SLC12A3: variants seen among roughly 807,000 people sequenced by gnomAD.
SLC12A3 encodes the protein solute carrier family 12 member 3, also known as Na-Cl cotransporter.
Under a neutral mutation model 121.0 loss-of-function variants are expected in SLC12A3, and 104 were observed. That is an observed-to-expected ratio of 0.86 (90% CI 0.73 to 1.01). SLC12A3 has a LOEUF of 1.01. Among genes scored for constraint, SLC12A3 ranks in the 50% least tolerant of loss-of-function variants. The pLI, the probability that SLC12A3 is intolerant of heterozygous loss-of-function variation, is 0.00. For synonymous variants in SLC12A3, 536 were observed against 533.4 expected, an observed-to-expected ratio of 1.00 and a Z score of -0.07; for missense variants, 1,328 against 1,356.3, an observed-to-expected ratio of 0.98 and a Z score of 0.33.
At position 56,890,322 on chromosome 16, in the gene SLC12A3, G is replaced by A; in HGVS notation, c.2334G>A (p.Glu778=). ...NYGVCVMRMR[E]GLNVSKMMQA... ...GCGTGTGTGTCATGAGGATGCGGGA[G>A]GGACTCAACGTGTCCAAGATGATGC... Residue 778 remains glutamate (E), a synonymous_variant, in exon 19 of 26, where the codon GAG becomes GAA. Coordinates refer to ENST00000563236, the MANE Select transcript of SLC12A3 (RefSeq NM_001126108.2). 1 of 1,614,186 alleles carries A rather than the reference G, an allele frequency of 6.2e-7. No individual in the cohort carries two copies. The highest frequency in any genetic ancestry group is 8.5e-7 in the Non-Finnish European group (1 of 1,180,016).
intron 18 of SLC12A3, 104 bp from the exon 19 acceptor site, chr16:56,890,170 G>T (rs2055369135): frequency 1.2e-6 from 1 of 840,008 alleles, no homozygotes. Context: ...GAAAGGGCGT[G>T]GTAGGAAGCA....
chr16:56,902,327 T>C (rs1351236703), intron 23 of SLC12A3, 46 bp from the exon 24 acceptor site: 2 of 1,612,476 alleles, frequency 1.2e-6, no homozygotes, highest in Non-Finnish European at 1.7e-6. Context: ...CCCCTAGAAA[T>C]GGGGTTATCG....
rs1364353426 is a variant in SLC12A3, at chr16:56,879,053, G to A, written c.1181-20G>A. On this transcript the variant is annotated intron_variant, in intron 9 of 25. Coordinates refer to ENST00000563236, the MANE Select transcript of SLC12A3 (RefSeq NM_001126108.2). ...AAGGAGGGAAGGCAGACCTCCCCAT[G>A]CTCTCCTTCCTCCTCTCAGGCTCCT... 2.5e-6 allele frequency: 4 copies of A among 1,597,132 alleles called. No homozygotes were observed. The Admixed American group carries it at 7.0e-5, about 28-fold the overall frequency.
chr16:56,869,450 C>G (rs927274229), intron 3 of SLC12A3, among the ~76,000 whole-genome samples: 7 of 152,156 alleles, frequency 4.6e-5, no homozygotes, highest in Non-Finnish European at 8.8e-5. Context: ...GCCTCAGCCT[C>G]CTAAGTAGCT....
intron 22 of SLC12A3, 48 bp from the exon 23 acceptor site, chr16:56,899,482 C>A: frequency 7.0e-7 from 1 of 1,420,510 alleles, no homozygotes; most frequent in Non-Finnish European, 1.0e-6. Flanking sequence ...GAGCAAGACG[C>A]TGTCTCAAGA....
Position 56,865,501 on chromosome 16 carries a change from T to G in SLC12A3, c.266T>G (p.Leu89Arg), listed in dbSNP as rs1286521552. ...AAGGTCCGGCCCACACTGGCTGACCTGCACTCCTTCCTCAAGGTAAGTGCT... is the reference window on the plus strand; with the variant it reads ...AAGGTCCGGCCCACACTGGCTGACCGGCACTCCTTCCTCAAGGTAAGTGCT... ...PRKVRPTLAD[L>R]HSFLKQEGRH... The change falls in exon 1 of 26, where the codon CTG (leucine) becomes CGG (arginine). Residue 89 changes from leucine to arginine, a missense_variant. Transcript: ENST00000563236. 1 of 1,612,982 alleles carries G rather than the reference T, an allele frequency of 6.2e-7. No homozygotes were observed. Among genetic ancestry groups the G allele is most frequent in the Non-Finnish European group, 8.5e-7 (1 of 1,180,042 alleles).
At chr16:56,882,015 C>T (rs184087455) in intron 12 of SLC12A3, among the ~76,000 whole-genome samples, 1 of 150,716 alleles carries the variant, frequency 6.6e-6, no homozygotes, top group African/African-American at 2.4e-5. Context: ...CGCCACTGCA[C>T]TCCAGCCTGG....
intron 18 of SLC12A3, among the ~76,000 whole-genome samples, chr16:56,888,719 C>T (rs372377380): frequency 4.0e-5 from 6 of 151,790 alleles, no homozygotes; most frequent in East Asian, 3.9e-4. Flanking sequence ...CCACCACGCC[C>T]GGCTAATTTT....
chr16:56,897,487 A>G (rs765376334), intron 22 of SLC12A3, among the ~76,000 whole-genome samples: 48 of 152,268 alleles, frequency 3.2e-4, no homozygotes, highest in Non-Finnish European at 4.0e-4. Flanking sequence ...GTTAAGGGAA[A>G]CCCAGCAATC....
rs55822178 is a variant in SLC12A3 at position 56,873,040 on chromosome 16, CT to C, written c.1095+255del. On this transcript the variant is annotated intron_variant, in intron 8 of 25. Coordinates refer to ENST00000563236, the MANE Select transcript of SLC12A3 (RefSeq NM_001126108.2). ...CTAGGTTCCTCCCTAGTTCCCAGAA[CT>C]CTCAGCCTTAGGGGAAGACTGGCCC... 0.13 allele frequency among the ~76,000 whole-genome samples: 19,620 copies of C among 152,304 alleles called. 1,504 individuals carry two copies. Among genetic ancestry groups the C allele is most frequent in the African/African-American group, 0.2 (8,505 of 41,548 alleles).
At chr16:56,898,991 C>T (rs1287140803) in intron 22 of SLC12A3, among the ~76,000 whole-genome samples, 3 of 152,192 alleles carry the variant, frequency 2.0e-5, no homozygotes, top group Non-Finnish European at 4.4e-5. Flanking sequence ...GATGCGTAGA[C>T]ATGTGAAAAT....
Position 56,894,482 on chromosome 16 carries a change from C to G in SLC12A3, c.2522-49C>G. 5.9e-6 allele frequency: 8 copies of G among 1,347,672 alleles called. 1 individual carries two copies. The South Asian group carries it at 9.7e-5, about 16-fold the overall frequency. 83.5% of individuals were successfully genotyped at this position (1,347,672 alleles called of 1,614,324 possible). A position where few individuals can be genotyped will look rare whatever the true frequency, so the allele number is the denominator to read the frequency against. On this transcript the variant is annotated intron_variant, in intron 21 of 25. Transcript: ENST00000563236. ...GCGGGGCAGGAACTCACATAGTGCT[C>G]TGTCCTGAGTGTATTCTTGTCATGA...
At chr16:56,912,201 T>C (rs904522512) in intron 25 of SLC12A3, among the ~76,000 whole-genome samples, 11 of 152,206 alleles carry the variant, frequency 7.2e-5, no homozygotes, top group Admixed American at 7.2e-4. Context: ...CCCCACTTCA[T>C]GCGGCACCAG....
chr16:56,865,982 TTTTCTTTTC>T (rs1400267831), intron 1 of SLC12A3, among the ~76,000 whole-genome samples: 2 of 93,776 alleles, frequency 2.1e-5, no homozygotes, highest in Non-Finnish European at 3.8e-5. Flanking sequence ...TTTTCTTTTC[TTTTCTTTTC>T]TTTTTTTTTT....
chr16:56,881,769 C>A (rs1350510773), intron 12 of SLC12A3, among the ~76,000 whole-genome samples: 2 of 151,984 alleles, frequency 1.3e-5, no homozygotes, highest in African/African-American at 4.8e-5. Flanking sequence ...GTATTTCTGG[C>A]CAGGCACAAT....
intron 1 of SLC12A3, among the ~76,000 whole-genome samples, chr16:56,865,964 CTTTTT>C (rs1429424696): frequency 6.8e-6 from 1 of 146,580 alleles, no homozygotes; most frequent in Non-Finnish European, 1.5e-5. Flanking sequence ...CTGAATTGTT[CTTTTT>C]TCTTTTCTTT....
At chr16:56,894,066 T>C (rs931816934) in intron 21 of SLC12A3, among the ~76,000 whole-genome samples, 9 of 151,204 alleles carry the variant, frequency 6.0e-5, no homozygotes, top group African/African-American at 2.2e-4. Context: ...TGCAATGGTG[T>C]GATCTCGGCT....
intron 23 of SLC12A3, among the ~76,000 whole-genome samples, chr16:56,900,694 C>A (rs982211741): frequency 2.6e-5 from 4 of 152,054 alleles, no homozygotes; most frequent in African/African-American, 9.7e-5. Flanking sequence ...CTGTGCCCGG[C>A]TAAATTTGGT....
At chr16:56,899,679 C>A in intron 23 of SLC12A3, 63 bp downstream of exon 23, 2 of 1,188,074 alleles carry the variant, frequency 1.7e-6, no homozygotes, top group Non-Finnish European at 2.5e-6. Context: ...ACCCCTCTGC[C>A]GGCTGCCCCC....
Sources: allele counts gnomAD v4.1 joint callset (sites outside exome capture counted in the v4.1 genomes callset), GRCh38; gene constraint gnomAD v4.1.1; transcripts MANE v1.5; gene names NCBI Gene and HGNC (gene_info 2026-07-23, HGNC 2026-07-21).